Variants in PRKCE observed in about 807,000 individuals in gnomAD.
The protein encoded by PRKCE is protein kinase C epsilon type.
Under a neutral mutation model 85.4 loss-of-function variants are expected in PRKCE, and 16 were observed. That is an observed-to-expected ratio of 0.19 (90% CI 0.13 to 0.28). The LOEUF (loss-of-function observed/expected upper bound fraction) is 0.28, where lower values mean the gene tolerates loss of function less well. Ranked by LOEUF, PRKCE falls within the 10% of genes least tolerant of loss-of-function variation. The probability of loss-of-function intolerance (pLI) is 1.00; values close to 1 mark genes in which losing one functional copy is unlikely to be tolerated. For synonymous variants in PRKCE, 388 were observed against 371.5 expected (o/e 1.04, Z -0.51); for missense variants, 573 against 975.2 (o/e 0.59, Z 5.49).
intron 1 of PRKCE, among the ~76,000 whole-genome samples, chr2:45,673,577 A>G (rs1676278743): frequency 6.6e-6 from 1 of 152,226 alleles, no homozygotes; most frequent in South Asian, 2.1e-4. Context: ...GCCAAGAGAA[A>G]CTAACATGGT....
At chr2:45,840,023 C>T (rs145725029) in intron 1 of PRKCE, among the ~76,000 whole-genome samples, 3 of 152,322 alleles carry the variant, frequency 2.0e-5, no homozygotes, top group African/African-American at 4.8e-5. Context: ...CTCCCTGCCA[C>T]GAGTTCTCAC....
intron 1 of PRKCE, among the ~76,000 whole-genome samples, chr2:45,745,012 C>T (rs1446187641): frequency 6.6e-6 from 1 of 152,194 alleles, no homozygotes; most frequent in Non-Finnish European, 1.5e-5. Context: ...GATATGCCCT[C>T]TGCTTTAACC....
intron 9 of PRKCE, among the ~76,000 whole-genome samples, chr2:46,009,333 A>T (rs1705466073): frequency 6.6e-6 from 1 of 152,224 alleles, no homozygotes; most frequent in African/African-American, 2.4e-5. Context: ...TATATATCAC[A>T]TGTGTATAAA....
At chr2:46,113,048 GC>G (rs1473628901) in intron 11 of PRKCE, among the ~76,000 whole-genome samples, 1 of 152,080 alleles carries the variant, frequency 6.6e-6, no homozygotes, top group Non-Finnish European at 1.5e-5. Flanking sequence ...AAAGTACTTA[GC>G]CCAGTATTTG....
At chr2:46,115,402 T>A (rs1672669872) in intron 11 of PRKCE, among the ~76,000 whole-genome samples, 1 of 152,176 alleles carries the variant, frequency 6.6e-6, no homozygotes, top group East Asian at 1.9e-4. Flanking sequence ...AAAACCCAAA[T>A]TCACAGTGAA....
intron 11 of PRKCE, among the ~76,000 whole-genome samples, chr2:46,124,483 G>A (rs961708352): frequency 3.3e-5 from 5 of 152,074 alleles, no homozygotes; most frequent in Admixed American, 6.6e-5. Context: ...TTTATCCACT[G>A]ATACTAATAT....
chr2:46,013,428 A>G (rs530554953), intron 10 of PRKCE, among the ~76,000 whole-genome samples: 1 of 152,326 alleles, frequency 6.6e-6, no homozygotes, highest in East Asian at 1.9e-4. Context: ...ATTCAAACCA[A>G]GAAGACTCAG....
chr2:46,125,614 G>T (rs1216046660), intron 11 of PRKCE, among the ~76,000 whole-genome samples: 2 of 152,152 alleles, frequency 1.3e-5, no homozygotes, highest in Non-Finnish European at 2.9e-5. Context: ...AAATTCAACT[G>T]ACTGATGGAA....
intron 10 of PRKCE, among the ~76,000 whole-genome samples, chr2:46,014,686 G>T (rs748440455): frequency 6.6e-6 from 1 of 152,026 alleles, no homozygotes; most frequent in Non-Finnish European, 1.5e-5. Context: ...TAGATTCTAG[G>T]GCTACAAAGC....
At chr2:46,156,584 G>A (rs951161029) in intron 13 of PRKCE, among the ~76,000 whole-genome samples, 8 of 152,172 alleles carry the variant, frequency 5.3e-5, no homozygotes, top group African/African-American at 1.7e-4. Flanking sequence ...GGCATTCAGC[G>A]AGACTGTCTG....
At chr2:46,026,624 G>A (rs1012716111) in intron 10 of PRKCE, among the ~76,000 whole-genome samples, 5 of 152,138 alleles carry the variant, frequency 3.3e-5, no homozygotes, top group Non-Finnish European at 7.4e-5. Flanking sequence ...TGAATTGGTC[G>A]ATTTGCTGTG....
intron 1 of PRKCE, among the ~76,000 whole-genome samples, chr2:45,698,943 T>A (rs1385054696): frequency 1.3e-5 from 2 of 152,170 alleles, no homozygotes; most frequent in Non-Finnish European, 2.9e-5. Flanking sequence ...AGGTTAAAAT[T>A]TATGTATTGC....
At chr2:45,852,290 G>A (rs944065234) in intron 2 of PRKCE, among the ~76,000 whole-genome samples, 5 of 152,188 alleles carry the variant, frequency 3.3e-5, no homozygotes, top group Admixed American at 6.5e-5. Context: ...ACAAAAACCC[G>A]TGACCTCTAC....
intron 11 of PRKCE, among the ~76,000 whole-genome samples, chr2:46,095,360 C>G (rs541263701): frequency 2.0e-5 from 3 of 152,180 alleles, no homozygotes; most frequent in South Asian, 2.1e-4. Flanking sequence ...TTATTTAATT[C>G]TCCTGTGTTC....
chr2:46,157,606 C>T (rs796204687), intron 13 of PRKCE, among the ~76,000 whole-genome samples: 4 of 152,156 alleles, frequency 2.6e-5, no homozygotes, highest in Admixed American at 6.5e-5. Flanking sequence ...AGTTAGAAGT[C>T]GTGCCTAACC....
At chr2:45,887,567 A>G (rs996391820) in intron 2 of PRKCE, among the ~76,000 whole-genome samples, 2 of 152,066 alleles carry the variant, frequency 1.3e-5, no homozygotes, top group African/African-American at 4.8e-5. Context: ...TGCCACTCCT[A>G]CAGATGAAGC....
chr2:45,949,178 CTA>C (rs1280219918), intron 2 of PRKCE, among the ~76,000 whole-genome samples: 8 of 152,306 alleles, frequency 5.3e-5, no homozygotes, highest in Non-Finnish European at 8.8e-5. Context: ...GCTTAGCTGA[CTA>C]TTGTGTGATT....
intron 1 of PRKCE, among the ~76,000 whole-genome samples, chr2:45,656,289 G>C (rs1675376663): frequency 6.6e-6 from 1 of 152,272 alleles, no homozygotes; most frequent in Admixed American, 6.5e-5. Context: ...CAGAAACAAA[G>C]TTCATTCCAA....
At chr2:46,176,900 A>G (rs1405721830) in intron 14 of PRKCE, among the ~76,000 whole-genome samples, 1 of 152,222 alleles carries the variant, frequency 6.6e-6, no homozygotes, top group Non-Finnish European at 1.5e-5. Flanking sequence ...AGCAGATAAG[A>G]TGGATGATAG....
Sources: gnomAD v4.1 joint callset for allele counts (sites outside exome capture counted in the v4.1 genomes callset) on GRCh38, gnomAD v4.1.1 for gene constraint, MANE v1.5 for transcripts, NCBI Gene and HGNC (gene_info 2026-07-23, HGNC 2026-07-21) for gene names.